The following CFAP20DC variants were observed in gnomAD, a reference collection of about 807,000 sequenced individuals.
The protein encoded by CFAP20DC is protein CFAP20DC.
In CFAP20DC, 84 loss-of-function variants were observed where a neutral mutation model predicts 101.7. The ratio of observed to expected loss-of-function variants is 0.83; its 90% CI spans 0.69 to 0.99. The LOEUF (loss-of-function observed/expected upper bound fraction) is 0.99, where lower values mean the gene tolerates loss of function less well. CFAP20DC is among the 50% of genes least tolerant of loss of function. The probability of loss-of-function intolerance (pLI) is 0.00; values close to 1 mark genes in which losing one functional copy is unlikely to be tolerated. For missense variants in CFAP20DC, 1,007 were observed against 970.3 expected, an observed-to-expected ratio of 1.04 and a Z score of -0.50; for synonymous variants, 359 against 351.2, an observed-to-expected ratio of 1.02 and a Z score of -0.25.
chr3:58,745,975 A>G (rs1319992084), intron 16 of CFAP20DC, among the ~76,000 whole-genome samples: 2 of 152,232 alleles, frequency 1.3e-5, no homozygotes, highest in Non-Finnish European at 2.9e-5. Flanking sequence ...GTAAGTACTC[A>G]GTAAATGTTA....
At chr3:59,045,165 A>G (rs1699748481) in intron 3 of CFAP20DC, among the ~76,000 whole-genome samples, 1 of 152,098 alleles carries the variant, frequency 6.6e-6, no homozygotes, top group African/African-American at 2.4e-5. Context: ...ATCATCTTTC[A>G]CTTATAACTT....
At chr3:58,783,749 G>A (rs1039075003) in intron 15 of CFAP20DC, among the ~76,000 whole-genome samples, 4 of 151,834 alleles carry the variant, frequency 2.6e-5, no homozygotes, top group African/African-American at 4.8e-5. Flanking sequence ...ATGAGATATC[G>A]TCTGACCCCA....
Position 59,049,925 on chromosome 3 carries a change from T to G in CFAP20DC, c.-294A>C. On this transcript the variant is annotated 5_prime_UTR_variant, in exon 1 of 17. Coordinates refer to ENST00000482387, the MANE Select transcript of CFAP20DC (RefSeq NM_001394063.1). ...GCCGTCCCTGGGGAGTGATTGTGTG[T>G]GTAACCTACGTGACGGGGCGCCCAG... The G allele has an allele frequency of 2.5e-6, 1 of 404,928 alleles. No homozygotes were observed. Among genetic ancestry groups the G allele is most frequent in the South Asian group, 5.5e-5 (1 of 18,192 alleles). The allele number at this position is 404,928 out of a possible 1,614,324, so 25.1% of individuals were successfully genotyped here.
intron 12 of CFAP20DC, chr3:58,862,583 C>A: frequency 3.0e-6 from 3 of 985,434 alleles, no homozygotes; most frequent in Non-Finnish European, 3.6e-6. Context: ...ACTGCTTAAA[C>A]AATCCCACTA....
At chr3:58,766,910 C>A (rs554162670) in intron 15 of CFAP20DC, among the ~76,000 whole-genome samples, 17 of 152,334 alleles carry the variant, frequency 1.1e-4, no homozygotes, top group Middle Eastern at 3.4e-3. Flanking sequence ...CTTGGGAAAT[C>A]TTCGCTGACA....
chr3:58,793,645 C>T (rs1233492150), intron 15 of CFAP20DC, among the ~76,000 whole-genome samples: 1 of 152,128 alleles, frequency 6.6e-6, no homozygotes, highest in East Asian at 1.9e-4. Flanking sequence ...ATTCTCACCC[C>T]CTACCCTCAA....
chr3:58,856,042 A>G (rs1438317619), intron 12 of CFAP20DC, among the ~76,000 whole-genome samples: 7 of 151,244 alleles, frequency 4.6e-5, no homozygotes, highest in Admixed American at 4.6e-4. Context: ...AAAAAACTTC[A>G]AAATAAAGTA....
In CFAP20DC at chr3:58,971,400, T is replaced by C. The variant is rs977557688; in HGVS notation, c.279-33638A>G. On this transcript the variant is annotated intron_variant, in intron 4 of 16. Transcript: ENST00000482387. The surrounding 1 kb of genome is among the most constrained non-coding windows in gnomAD (Gnocchi z 4.1). ...TCCAACAAGAGGAAAATCTGTCAAA[T>C]GTTTTAAAATATCTCCGACATTCAC... is the stretch of plus-strand genomic sequence containing the variant. 8.5e-5 allele frequency among the ~76,000 whole-genome samples: 13 copies of C among 152,168 alleles called. No homozygotes were observed. Among genetic ancestry groups the C allele is most frequent in the African/African-American group, 2.7e-4 (11 of 41,450 alleles).
intron 4 of CFAP20DC, among the ~76,000 whole-genome samples, chr3:58,973,297 T>A (rs1669305577): frequency 6.6e-6 from 1 of 152,172 alleles, no homozygotes; most frequent in African/African-American, 2.4e-5. Flanking sequence ...CAACACCACC[T>A]CCCAATGGCT....
At chr3:58,842,358 G>C (rs553101729) in intron 13 of CFAP20DC, among the ~76,000 whole-genome samples, 1 of 152,190 alleles carries the variant, frequency 6.6e-6, no homozygotes, top group Non-Finnish European at 1.5e-5. Flanking sequence ...CCTGGGAAGC[G>C]CAAGGGGTCA....
intron 12 of CFAP20DC, among the ~76,000 whole-genome samples, chr3:58,852,232 T>A (rs1328729720): frequency 6.6e-6 from 1 of 152,082 alleles, no homozygotes; most frequent in African/African-American, 2.4e-5. Flanking sequence ...TCCCACTTGT[T>A]TAAAATTTCC....
chr3:58,935,789 C>G (rs1270132991), intron 5 of CFAP20DC, among the ~76,000 whole-genome samples: 4 of 152,204 alleles, frequency 2.6e-5, no homozygotes, highest in Non-Finnish European at 5.9e-5. Flanking sequence ...GGATTAAAGA[C>G]TTAAACGTTA....
chr3:58,931,711 C>G (rs1041632313), intron 5 of CFAP20DC, among the ~76,000 whole-genome samples: 25 of 152,320 alleles, frequency 1.6e-4, no homozygotes, highest in Admixed American at 1.1e-3. Context: ...GCAGCTGAGG[C>G]TCCTGTCTGT....
chr3:58,874,681 A>G lies in CFAP20DC; in HGVS notation c.716-4372T>C, dbSNP rs1391928278. Among the ~76,000 whole-genome samples the G allele has an allele frequency of 1.3e-5, 2 of 152,134 alleles. No individual in the cohort carries two copies. Among genetic ancestry groups the G allele is most frequent in the Non-Finnish European group, 2.9e-5 (2 of 68,012 alleles). On this transcript the variant is annotated intron_variant, in intron 7 of 16. Coordinates refer to ENST00000482387, the MANE Select transcript of CFAP20DC (RefSeq NM_001394063.1). This position sits in a 1 kb window ranked among gnomAD's most constrained non-coding sequence, Gnocchi z 5.1. ...CAGTTCACATATCATTTCCTCAGAC[A>G]AGTCTTTGCAGACCTTTCTGATTAG... is the stretch of plus-strand genomic sequence containing the variant.
In CFAP20DC at chr3:58,732,672, T is replaced by A. The variant is rs147944292; in HGVS notation, c.198-15044A>T. 6.1e-4 allele frequency among the ~76,000 whole-genome samples: 93 copies of A among 152,330 alleles called. 1 individual carries two copies. The East Asian group carries it at 0.017, about 27-fold the overall frequency. On this transcript the variant is annotated intron_variant, in intron 3 of 3. Transcript: ENST00000486145. The surrounding 1 kb of genome is among the most constrained non-coding windows in gnomAD (Gnocchi z 5.4). ...AAACTGCTTCTCACTCTAATGGGTT[T>A]ATAACACCCAACGTGGCACGAAAGC...
chr3:59,039,508 C>A, intron 4 of CFAP20DC, 49 bp downstream of exon 4: 1 of 1,145,196 alleles, frequency 8.7e-7, no homozygotes, highest in South Asian at 1.4e-5. Context: ...TTCAATTGAT[C>A]AAATGTCTAA....
chr3:58,816,388 T>C lies in CFAP20DC; in HGVS notation c.2176-9932A>G, dbSNP rs1004601020. ...ATTTCCATCTGAGGTACCGGGTTTA[T>C]CTCACTAGGGAGTGCCAGACAGTGG... On this transcript the variant is annotated intron_variant, in intron 14 of 16. Coordinates refer to ENST00000482387, the MANE Select transcript of CFAP20DC (RefSeq NM_001394063.1). Among the ~76,000 whole-genome samples, 17 of 152,272 alleles carry C rather than the reference T, an allele frequency of 1.1e-4. No homozygotes were observed. The East Asian group carries it at 2.9e-3, about 26-fold the overall frequency.
intron 4 of CFAP20DC, among the ~76,000 whole-genome samples, chr3:58,960,767 T>G (rs1177715145): frequency 6.6e-6 from 1 of 152,192 alleles, no homozygotes; most frequent in African/African-American, 2.4e-5. Flanking sequence ...CTTATAATAT[T>G]TATTTTTCTT....
At chr3:58,973,764 C>A (rs1283846145) in intron 4 of CFAP20DC, among the ~76,000 whole-genome samples, 6 of 152,052 alleles carry the variant, frequency 3.9e-5, no homozygotes. Context: ...GGTTAGGCAC[C>A]CCCAAAATAG....
Sources: allele counts gnomAD v4.1 joint callset (sites outside exome capture counted in the v4.1 genomes callset), GRCh38; gene constraint gnomAD v4.1.1; non-coding constraint Gnocchi (gnomAD v3.1); transcripts MANE v1.5; gene names NCBI Gene and HGNC (gene_info 2026-07-23, HGNC 2026-07-21).